FUT8: variants seen among roughly 807,000 people sequenced by gnomAD.
The protein encoded by FUT8 is alpha-(1,6)-fucosyltransferase.
In FUT8, 29 loss-of-function variants were observed where a neutral mutation model predicts 71.3. The ratio of observed to expected loss-of-function variants is 0.41; its 90% CI spans 0.30 to 0.55. FUT8 has a LOEUF of 0.55. Ranked by LOEUF, FUT8 falls within the 20% of genes least tolerant of loss-of-function variation. The pLI, the probability that FUT8 is intolerant of heterozygous loss-of-function variation, is 0.34. For synonymous variants in FUT8, 254 were observed against 239.3 expected, an observed-to-expected ratio of 1.06 and a Z score of -0.57; for missense variants, 544 against 702.1, an observed-to-expected ratio of 0.77 and a Z score of 2.55.
At chr14:65,480,691 A>C (rs567846659) in intron 2 of FUT8, among the ~76,000 whole-genome samples, 5 of 151,384 alleles carry the variant, frequency 3.3e-5, no homozygotes, top group African/African-American at 1.2e-4. Flanking sequence ...ATCATACTGT[A>C]ATTCTATTTT....
At chr14:65,684,280 A>G in intron 7 of FUT8, among the ~76,000 whole-genome samples, 1 of 152,178 alleles carries the variant, frequency 6.6e-6, no homozygotes, top group East Asian at 1.9e-4. Context: ...GCATAAAAAA[A>G]CACATCTGTA....
At position 65,669,828 on chromosome 14, in the gene FUT8, C is replaced by A. The variant is rs1298119968; in HGVS notation, c.835+348C>A. On this transcript the variant is annotated intron_variant, in intron 7 of 10. Coordinates refer to ENST00000673929, the MANE Select transcript of FUT8 (RefSeq NM_001371533.1). This position sits in a 1 kb window ranked among gnomAD's most constrained non-coding sequence, Gnocchi z 4.5. ...TGAAGTAATCATCATATAAAGTAGT[C>A]CAGTTTATATGGACTACTATATATG... 1.3e-5 allele frequency among the ~76,000 whole-genome samples: 2 copies of A among 151,936 alleles called. No homozygotes were observed. The highest frequency in any genetic ancestry group is 6.6e-5 in the Admixed American group (1 of 15,252).
intron 7 of FUT8, among the ~76,000 whole-genome samples, chr14:65,678,015 C>T (rs1323043894): frequency 1.3e-5 from 2 of 152,148 alleles, no homozygotes; most frequent in Non-Finnish European, 2.9e-5. Flanking sequence ...AGCTGTGTTA[C>T]TTTGGGTAGT....
chr14:65,406,709 T>C (rs554396600), upstream of FUT8, among the ~76,000 whole-genome samples: 1 of 152,254 alleles, frequency 6.6e-6, no homozygotes, highest in African/African-American at 2.4e-5. Context: ...CTAATTTTTG[T>C]ATTTTTTTAG....
At chr14:65,723,152 TAAAA>T (rs56003211) in intron 8 of FUT8, among the ~76,000 whole-genome samples, 2 of 123,736 alleles carry the variant, frequency 1.6e-5, no homozygotes, top group African/African-American at 3.0e-5. Context: ...CCCCATCAAT[TAAAA>T]AAAAAAAAAA....
intron 6 of FUT8, among the ~76,000 whole-genome samples, chr14:65,634,085 G>A (rs1163013590): frequency 3.9e-5 from 6 of 152,214 alleles, no homozygotes; most frequent in South Asian, 2.1e-4. Flanking sequence ...CATTGAGAAC[G>A]GGCCATGATG....
chr14:65,741,839 TATAGAG>T (rs1237132290), intron 10 of FUT8, among the ~76,000 whole-genome samples: 1 of 151,994 alleles, frequency 6.6e-6, no homozygotes, highest in Non-Finnish European at 1.5e-5. Flanking sequence ...TTTTGTACTA[TATAGAG>T]ATAGAGAGAT....
chr14:65,637,479 A>G (rs1890620219), intron 6 of FUT8, among the ~76,000 whole-genome samples: 1 of 152,194 alleles, frequency 6.6e-6, no homozygotes, highest in Admixed American at 6.5e-5. Context: ...TCTGTCTCTG[A>G]TATACGAAAA....
At chr14:65,497,307 A>G (rs2066574760) in intron 2 of FUT8, among the ~76,000 whole-genome samples, 1 of 152,130 alleles carries the variant, frequency 6.6e-6, no homozygotes, top group African/African-American at 2.4e-5. Flanking sequence ...AAGGTGAAAT[A>G]TTTACTAGAG....
intron 2 of FUT8, among the ~76,000 whole-genome samples, chr14:65,459,604 G>GAA (rs573985228): frequency 3.9e-5 from 6 of 152,080 alleles, no homozygotes; most frequent in South Asian, 2.1e-4. Context: ...GAGAGAGAGA[G>GAA]AATGATGAGT....
At chr14:65,658,726 C>T (rs1891815449) in intron 6 of FUT8, among the ~76,000 whole-genome samples, 1 of 152,022 alleles carries the variant, frequency 6.6e-6, no homozygotes, top group African/African-American at 2.4e-5. Context: ...TGATGGAGAG[C>T]AGTTCAGCGG....
At chr14:65,430,613 A>T (rs60927973) in intron 1 of FUT8, among the ~76,000 whole-genome samples, 15,067 of 152,252 alleles carry the variant, frequency 0.099, 1,003 homozygotes, top group East Asian at 0.38. Flanking sequence ...TCTCTTGAAT[A>T]CTTGTCTTTA....
chr14:65,526,041 G>C (rs1008632360), intron 2 of FUT8, among the ~76,000 whole-genome samples: 8 of 152,210 alleles, frequency 5.3e-5, no homozygotes, highest in Non-Finnish European at 1.0e-4. Flanking sequence ...ATATTCTGTT[G>C]ATTTGGGGTG....
chr14:65,381,305 C>G, the FUT8 span, among the ~76,000 whole-genome samples: 106 of 152,198 alleles, frequency 7.0e-4, no homozygotes, highest in African/African-American at 2.5e-3. Context: ...AAATGTTTTC[C>G]TATTCAGCTA....
chr14:65,602,343 T>TCTCA (rs1274156755), intron 3 of FUT8, among the ~76,000 whole-genome samples: 13 of 48,460 alleles, frequency 2.7e-4, no homozygotes, highest in Non-Finnish European at 2.0e-4. Flanking sequence ...GTTCCATCTC[T>TCTCA]CACACACACA....
chr14:65,637,934 T>C (rs1890644616), intron 6 of FUT8, among the ~76,000 whole-genome samples: 1 of 152,288 alleles, frequency 6.6e-6, no homozygotes, highest in South Asian at 2.1e-4. Context: ...GACTTCATCT[T>C]GGTATTACTC....
intron 7 of FUT8, among the ~76,000 whole-genome samples, chr14:65,718,626 C>T (rs1314022581): frequency 6.6e-6 from 1 of 152,148 alleles, no homozygotes; most frequent in Admixed American, 6.5e-5. Flanking sequence ...GAAGGATTCC[C>T]CTTAGCATTT....
At chr14:65,654,289 T>C (rs1232128024) in intron 6 of FUT8, among the ~76,000 whole-genome samples, 2 of 152,168 alleles carry the variant, frequency 1.3e-5, no homozygotes, top group Non-Finnish European at 2.9e-5. Flanking sequence ...CTAGATTAAC[T>C]ACTAAAAATG....
intron 3 of FUT8, among the ~76,000 whole-genome samples, chr14:65,572,496 A>G (rs1225810669): frequency 6.6e-6 from 1 of 152,178 alleles, no homozygotes; most frequent in African/African-American, 2.4e-5. Flanking sequence ...CATATTCCAC[A>G]TTCTTAATCA....
Sources: allele counts gnomAD v4.1 joint callset (sites outside exome capture counted in the v4.1 genomes callset), GRCh38; gene constraint gnomAD v4.1.1; non-coding constraint Gnocchi (gnomAD v3.1); transcripts MANE v1.5; gene names NCBI Gene and HGNC (gene_info 2026-07-23, HGNC 2026-07-21).